RPS6KA3: variants seen among roughly 807,000 people sequenced by gnomAD.
The protein encoded by RPS6KA3 is ribosomal protein S6 kinase A3.
A neutral mutation model predicts 67.2 loss-of-function variants in RPS6KA3; 4 were observed. The observed-to-expected ratio is 0.06, with a 90% CI of 0.03 to 0.14. The LOEUF (loss-of-function observed/expected upper bound fraction) is 0.14, where lower values mean the gene tolerates loss of function less well. RPS6KA3 is among the 10% of genes least tolerant of loss of function. The pLI, the probability that RPS6KA3 is intolerant of heterozygous loss-of-function variation, is 1.00. For missense variants in RPS6KA3, 204 were observed against 559.0 expected, an observed-to-expected ratio of 0.36 and a Z score of 6.40; for synonymous variants, 182 against 183.7, an observed-to-expected ratio of 0.99 and a Z score of 0.07.
intron 2 of RPS6KA3, among the ~76,000 whole-genome samples, chrX:20,214,530 T>C (rs939929914): frequency 8.9e-6 from 1 of 111,998 alleles, no homozygotes; most frequent in African/African-American, 3.2e-5. Flanking sequence ...TTTTGGTAGG[T>C]CTGGTTTTTC....
intron 4 of RPS6KA3, among the ~76,000 whole-genome samples, chrX:20,195,891 A>C (rs2068261460): frequency 8.9e-6 from 1 of 112,392 alleles, no homozygotes; most frequent in Admixed American, 9.4e-5. Flanking sequence ...GAGATAAGGT[A>C]TGTACCTAGA....
chrX:20,165,405 T>C (rs2067408505), intron 17 of RPS6KA3, among the ~76,000 whole-genome samples: 1 of 111,711 alleles, frequency 9.0e-6, no homozygotes, highest in South Asian at 3.7e-4. Flanking sequence ...TAAGCTGCTG[T>C]AGATACCGTG....
chrX:20,214,596 G>A (rs906187551), intron 2 of RPS6KA3, among the ~76,000 whole-genome samples: 8 of 111,258 alleles, frequency 7.2e-5, no homozygotes, highest in Non-Finnish European at 1.5e-4. Flanking sequence ...TTCCCCAATA[G>A]TGAGATAAAT....
chrX:20,173,571 G>A (rs963738180), intron 14 of RPS6KA3, among the ~76,000 whole-genome samples: 4 of 111,693 alleles, frequency 3.6e-5, no homozygotes, highest in Non-Finnish European at 5.6e-5. Context: ...TGCTGCCCTT[G>A]GCTATACTGA....
In RPS6KA3 at chrX:20,155,416, G is replaced by T; in HGVS notation, c.2205C>A (p.Ile735=). Residue 735 remains isoleucine, a synonymous_variant, in exon 22 of 22, where the codon ATC becomes ATA. Coordinates refer to ENST00000379565, the MANE Select transcript of RPS6KA3 (RefSeq NM_004586.3). ...GGTCACTTCACAGGGCTGTTGAGGT[G>T]ATTTTTTTAATACCTCTCCGCTGAG... ...TLAQRRGIKK[I]TSTAL is the part of the protein sequence containing the mutation. 1.7e-6 allele frequency: 2 copies of T among 1,210,695 alleles called. No individual in the cohort carries two copies. Among genetic ancestry groups the T allele is most frequent in the Non-Finnish European group, 2.2e-6 (2 of 895,031 alleles).
At chrX:20,189,646 A>G (rs1334263941) in intron 7 of RPS6KA3, among the ~76,000 whole-genome samples, 1 of 112,001 alleles carries the variant, frequency 8.9e-6, no homozygotes, top group Non-Finnish European at 1.9e-5. Flanking sequence ...AATGGCAAAA[A>G]CTGCAATTGC....
intron 3 of RPS6KA3, among the ~76,000 whole-genome samples, chrX:20,206,103 C>T (rs1303709393): frequency 1.8e-5 from 2 of 111,569 alleles, no homozygotes; most frequent in Non-Finnish European, 3.8e-5. Flanking sequence ...GGCCAGTAAC[C>T]AGGCAAGCCC....
At chrX:20,247,799 A>G (rs990176579) in intron 1 of RPS6KA3, among the ~76,000 whole-genome samples, 7 of 110,958 alleles carry the variant, frequency 6.3e-5, no homozygotes, top group African/African-American at 2.3e-4. Context: ...AAGAAAAAAA[A>G]AAAAAAAAGA....
At chrX:20,169,215 G>C (rs1214111286) in intron 16 of RPS6KA3, among the ~76,000 whole-genome samples, 187 bp downstream of exon 16, 1 of 112,034 alleles carries the variant, frequency 8.9e-6, no homozygotes, top group Non-Finnish European at 1.9e-5. Context: ...GACCTGGCTG[G>C]TCTTGAACTC....
At chrX:20,206,882 G>C (rs1213181854) in intron 3 of RPS6KA3, among the ~76,000 whole-genome samples, 1 of 111,420 alleles carries the variant, frequency 9.0e-6, no homozygotes, top group Non-Finnish European at 1.9e-5. Context: ...TAAGGACTTG[G>C]TCCTGCTTAA....
At position 20,208,015 on chromosome X, in the gene RPS6KA3, C is replaced by T. The variant is rs142569136; in HGVS notation, c.243+1273G>A. Among the ~76,000 whole-genome samples the T allele has an allele frequency of 6.7e-3, 745 of 111,735 alleles. 4 individuals carry two copies. Among genetic ancestry groups the T allele is most frequent in the Non-Finnish European group, 0.011 (591 of 53,147 alleles). ...TCCTCTTGCCAAGAAACAATCTAGA[C>T]CAGTGATCCCCAACCTTTTTTAGCA... On this transcript the variant is annotated intron_variant, in intron 3 of 21. Coordinates refer to ENST00000379565, the MANE Select transcript of RPS6KA3 (RefSeq NM_004586.3).
intron 1 of RPS6KA3, among the ~76,000 whole-genome samples, chrX:20,235,290 A>C (rs1295678262): frequency 1.8e-5 from 2 of 111,478 alleles, no homozygotes; most frequent in Non-Finnish European, 3.8e-5. Context: ...AAAATTGTAC[A>C]AGTATTAGAA....
chrX:20,235,075 G>A (rs2069373762), intron 1 of RPS6KA3, among the ~76,000 whole-genome samples: 1 of 111,238 alleles, frequency 9.0e-6, no homozygotes, highest in African/African-American at 3.3e-5. Context: ...GTGAACCCTT[G>A]AGTTTAATAG....
At chrX:20,186,191 C>A in intron 10 of RPS6KA3, 105 bp downstream of exon 10, 1 of 568,222 alleles carries the variant, frequency 1.8e-6, no homozygotes, top group Admixed American at 2.3e-5. Context: ...ATCCGTCTTC[C>A]TTGCCCTCCC....
intron 1 of RPS6KA3, among the ~76,000 whole-genome samples, chrX:20,264,401 C>T (rs1016804676): frequency 2.7e-5 from 3 of 111,862 alleles, no homozygotes; most frequent in Admixed American, 9.4e-5. Context: ...TTATTTATAC[C>T]CCGAATTTTT....
intron 5 of RPS6KA3, among the ~76,000 whole-genome samples, 196 bp downstream of exon 5, chrX:20,194,869 A>T (rs749064567): frequency 2.7e-5 from 3 of 111,294 alleles, no homozygotes; most frequent in South Asian, 3.8e-4. Flanking sequence ...TATAATATTT[A>T]AAAAAAACAT....
At chrX:20,162,837 A>G (rs2067339816) in intron 19 of RPS6KA3, 127 bp downstream of exon 19, 1 of 547,545 alleles carries the variant, frequency 1.8e-6, no homozygotes, top group Admixed American at 2.4e-5. Context: ...ACAGAGTGAG[A>G]CCCTGTCTCT....
At chrX:20,258,784 C>G (rs375587578) in intron 1 of RPS6KA3, among the ~76,000 whole-genome samples, 201 of 112,184 alleles carry the variant, frequency 1.8e-3, no homozygotes, top group South Asian at 8.3e-3. Context: ...TCTAAAAGTG[C>G]TTTTAGATTT....
intron 2 of RPS6KA3, among the ~76,000 whole-genome samples, chrX:20,231,363 T>C (rs2069259957): frequency 8.9e-6 from 1 of 112,205 alleles, no homozygotes; most frequent in South Asian, 3.7e-4. Context: ...CATGTTAATC[T>C]GTAAATTTAA....
Sources: gnomAD v4.1 joint callset for allele counts (sites outside exome capture counted in the v4.1 genomes callset) on GRCh38, gnomAD v4.1.1 for gene constraint, MANE v1.5 for transcripts, NCBI Gene and HGNC (gene_info 2026-07-23, HGNC 2026-07-21) for gene names.